Variants in SNX14 observed in about 807,000 individuals in gnomAD.
SNX14 encodes sorting nexin-14.
Under a neutral mutation model 133.8 loss-of-function variants are expected in SNX14, and 93 were observed. That is an observed-to-expected ratio of 0.70 (90% CI 0.59 to 0.83). SNX14 has a LOEUF of 0.83. Ranked by LOEUF, SNX14 falls within the 40% of genes least tolerant of loss-of-function variation. The pLI is 0.00. For missense variants in SNX14, 945 were observed against 1,094.9 expected (o/e 0.86, Z 1.93); for synonymous variants, 368 against 365.6 (o/e 1.01, Z -0.07).
At chr6:85,543,344 T>C (rs771927805) in intron 13 of SNX14, 38 bp from the exon 14 acceptor site, 10 of 1,497,370 alleles carry the variant, frequency 6.7e-6, no homozygotes, top group South Asian at 4.0e-5. Flanking sequence ...TATTTATAAA[T>C]AGCATAAATA....
chr6:85,558,150 T>C (rs1183431244), intron 6 of SNX14, 90 bp from the exon 7 acceptor site: 4 of 680,970 alleles, frequency 5.9e-6, no homozygotes, highest in Non-Finnish European at 1.0e-5. Context: ...GAATATATCT[T>C]AAAAATTAGA....
intron 26 of SNX14, chr6:85,508,308 G>T: frequency 1.7e-5 from 17 of 1,011,432 alleles, no homozygotes; most frequent in East Asian, 1.3e-4. Context: ...CAAACTCTGA[G>T]AAATGCTGCA....
chr6:85,576,390 A>G (rs1797349886), intron 1 of SNX14, among the ~76,000 whole-genome samples: 1 of 152,190 alleles, frequency 6.6e-6, no homozygotes, highest in African/African-American at 2.4e-5. Flanking sequence ...AAACGATGAC[A>G]ACAACAACAA....
intron 21 of SNX14, among the ~76,000 whole-genome samples, chr6:85,522,995 C>A (rs1191766165): frequency 6.6e-6 from 1 of 152,162 alleles, no homozygotes; most frequent in African/African-American, 2.4e-5. Context: ...CTAAGAAGAA[C>A]CAGCCGTCCC....
rs116549335 is a variant in SNX14, at chr6:85,574,953, G to A, written c.141-575C>T. Among the ~76,000 whole-genome samples, 658 of 152,272 alleles carry A rather than the reference G, an allele frequency of 4.3e-3. 7 individuals are homozygous for A. The highest frequency in any genetic ancestry group is 0.015 in the African/African-American group (626 of 41,548). ...ACCCAAATTTGAAAAGAACAGAAAA[G>A]TTTTTTCAGAGAAAGCAATATCTAC... On this transcript the variant is annotated intron_variant, in intron 1 of 28. Coordinates refer to ENST00000314673, the MANE Select transcript of SNX14 (RefSeq NM_153816.6).
In SNX14 at chr6:85,565,348, A is replaced by C; in HGVS notation, c.533T>G (p.Ile178Arg). Residue 178 changes from isoleucine to arginine, a missense_variant, in exon 6 of 29, where the codon ATA becomes AGA. Physicochemically the swap from Ile to Arg is moderately conservative, Grantham distance 97 (BLOSUM62 -3). This residue lies in a region of SNX14 where 514 missense variants were observed against 538.8 expected (regional missense o/e 0.95). Transcript: ENST00000314673. ...AATATATACCTTGTGAATCCTTCTT[A>C]TTAAGACAGATGCAAAAAAACGTAA... Reference protein sequence around the residue: ...ITLRFFASVLIRRIHKVDIPS... With the variant: ...ITLRFFASVLRRRIHKVDIPS... 6.3e-7 allele frequency: 1 copy of C among 1,597,684 alleles called. No individual in the cohort carries two copies. Among genetic ancestry groups the C allele is most frequent in the Non-Finnish European group, 8.5e-7 (1 of 1,170,334 alleles).
intron 5 of SNX14, among the ~76,000 whole-genome samples, chr6:85,566,253 A>G (rs552716691): frequency 6.6e-6 from 1 of 152,368 alleles, no homozygotes; most frequent in South Asian, 2.1e-4. Flanking sequence ...AGGCCTCACC[A>G]TCAGCTTTAG....
rs1032905748 is a variant in SNX14, at chr6:85,572,006, A to G, written c.417+131T>C. 3 of 675,296 alleles carry G rather than the reference A, an allele frequency of 4.4e-6. No homozygotes were observed. The African/African-American group carries it at 5.5e-5, about 12-fold the overall frequency. The allele number at this position is 675,296 out of a possible 1,614,324, so 41.8% of individuals were successfully genotyped here. A position where few individuals can be genotyped will look rare whatever the true frequency, so the allele number is the denominator to read the frequency against. On this transcript the variant is annotated intron_variant, in intron 4 of 28. Transcript: ENST00000314673. ...CAAGTTGTTTAGTCTGCAATAATCA[A>G]CTGCCTCAGAACTGATTTAAGTGAC...
At chr6:85,544,207 G>GA (rs2128078968) in intron 12 of SNX14, among the ~76,000 whole-genome samples, 1 of 152,242 alleles carries the variant, frequency 6.6e-6, no homozygotes, top group African/African-American at 2.4e-5. Context: ...TTGAACAAAT[G>GA]AATGTTTATT....
At position 85,567,310 on chromosome 6, in the gene SNX14, G is replaced by A. The variant is rs974370478; in HGVS notation, c.461+224C>T. Among the ~76,000 whole-genome samples, 4 of 152,092 alleles carry A rather than the reference G, an allele frequency of 2.6e-5. No homozygotes were observed. In the East Asian group the frequency reaches 7.7e-4, roughly 29 times the overall value. On this transcript the variant is annotated intron_variant, in intron 5 of 28. Coordinates refer to ENST00000314673, the MANE Select transcript of SNX14 (RefSeq NM_153816.6). ...GAAGACATTTTTATTGGTCACAACTGGTGGCAGAGATGTCTGTTACTAGTA... is the reference window on the plus strand; with the variant it reads ...GAAGACATTTTTATTGGTCACAACTAGTGGCAGAGATGTCTGTTACTAGTA...
chr6:85,583,103 A>G (rs1799553817), intron 1 of SNX14, among the ~76,000 whole-genome samples: 1 of 152,238 alleles, frequency 6.6e-6, no homozygotes, highest in Non-Finnish European at 1.5e-5. Context: ...CTGGTTCAAC[A>G]TACACAAATC....
intron 8 of SNX14, among the ~76,000 whole-genome samples, chr6:85,548,985 A>AG (rs1786801946): frequency 1.2e-5 from 1 of 82,018 alleles, no homozygotes; most frequent in Non-Finnish European, 2.2e-5. Flanking sequence ...TTAAAAAAAA[A>AG]AAAGAAAGAA....
chr6:85,564,613 C>T (rs963589140), intron 6 of SNX14, among the ~76,000 whole-genome samples: 2 of 151,928 alleles, frequency 1.3e-5, no homozygotes, highest in Admixed American at 6.6e-5. Context: ...CAAAACTGAT[C>T]GATGGATCAA....
chr6:85,557,919 G>A (rs1323496903), intron 7 of SNX14, 57 bp downstream of exon 7: 1 of 903,588 alleles, frequency 1.1e-6, no homozygotes, highest in African/African-American at 1.7e-5. Context: ...GATATTTCGG[G>A]TGAAAATTGG....
At chr6:85,506,343 G>A (rs1336072316) in intron 28 of SNX14, among the ~76,000 whole-genome samples, 2 of 149,802 alleles carry the variant, frequency 1.3e-5, no homozygotes, top group Admixed American at 6.6e-5. Context: ...TTTAGATGGA[G>A]TCTCACTCTG....
chr6:85,572,505 A>T (rs760511181), intron 2 of SNX14, 131 bp from the exon 3 acceptor site: 1 of 689,320 alleles, frequency 1.5e-6, no homozygotes, highest in Non-Finnish European at 2.4e-6. Context: ...CTACTTTAAC[A>T]GTGAAATCTT....
intron 26 of SNX14, among the ~76,000 whole-genome samples, chr6:85,509,727 G>A (rs559232814): frequency 6.6e-6 from 1 of 152,070 alleles, no homozygotes; most frequent in African/African-American, 2.4e-5. Flanking sequence ...GGTGTTGTAC[G>A]TTCTGTGGGT....
Position 85,579,543 on chromosome 6 carries a change from C to T in SNX14, c.141-5165G>A, listed in dbSNP as rs1470756658. The stretch of plus-strand genomic sequence containing the variant: ...AAAGGCAATTCTGAAATTGCCAATA[C>T]CCTTTCTGCAGCCCCCAGAAGTGGC... On this transcript the variant is annotated intron_variant, in intron 1 of 28. Coordinates refer to ENST00000314673, the MANE Select transcript of SNX14 (RefSeq NM_153816.6). 3.3e-5 allele frequency among the ~76,000 whole-genome samples: 5 copies of T among 152,172 alleles called. No individual in the cohort carries two copies. The East Asian group carries it at 9.6e-4, about 29-fold the overall frequency.
At position 85,513,904 on chromosome 6, in the gene SNX14, G is replaced by C; in HGVS notation, c.2558-9C>G. 2.5e-6 allele frequency: 4 copies of C among 1,597,330 alleles called. No individual in the cohort carries two copies. The highest frequency in any genetic ancestry group is 3.4e-6 in the Non-Finnish European group (4 of 1,173,386). On this transcript the variant is annotated splice_polypyrimidine_tract_variant and intron_variant, in intron 25 of 28. Coordinates refer to ENST00000314673, the MANE Select transcript of SNX14 (RefSeq NM_153816.6). ...TTCACAGAATATAGCATCTAAAAAA[G>C]AGTAAAAAGAAATATTTCTGGAATT...
Sources: gnomAD v4.1 joint callset for allele counts (sites outside exome capture counted in the v4.1 genomes callset) on GRCh38, gnomAD v4.1.1 for gene constraint, gnomAD v4.1.1 regional missense constraint, MANE v1.5 for transcripts, NCBI Gene and HGNC (gene_info 2026-07-23, HGNC 2026-07-21) for gene names.